STAU2: variants seen among roughly 807,000 people sequenced by gnomAD.
STAU2 encodes the protein double-stranded RNA-binding protein Staufen homolog 2.
In STAU2, 20 loss-of-function variants were observed where a neutral mutation model predicts 65.9. The observed-to-expected ratio is 0.30, with a 90% confidence interval of 0.21 to 0.44. The LOEUF (loss-of-function observed/expected upper bound fraction) is 0.44, where lower values mean the gene tolerates loss of function less well. Ranked by LOEUF, STAU2 falls within the 20% of genes least tolerant of loss-of-function variation. STAU2 has a pLI of 1.00. For synonymous variants in STAU2, 232 were observed against 233.9 expected (o/e 0.99, Z 0.07); for missense variants, 558 against 683.9 (o/e 0.82, Z 2.05).
intron 13 of STAU2, among the ~76,000 whole-genome samples, chr8:73,527,062 T>A (rs1805498556): frequency 1.3e-5 from 2 of 152,190 alleles, no homozygotes; most frequent in African/African-American, 4.8e-5. Flanking sequence ...TTACTGTACA[T>A]TTTCTATGTT....
intron 13 of STAU2, chr8:73,551,444 G>T: frequency 1.0e-6 from 1 of 987,346 alleles, no homozygotes; most frequent in Non-Finnish European, 1.2e-6. Flanking sequence ...ACATTGTTAT[G>T]CCTCAAACAA....
chr8:73,485,806 C>T (rs1421273387), intron 13 of STAU2, among the ~76,000 whole-genome samples: 1 of 152,052 alleles, frequency 6.6e-6, no homozygotes, highest in African/African-American at 2.4e-5. Context: ...AGCACTCCAG[C>T]CTGGACAACA....
intron 13 of STAU2, among the ~76,000 whole-genome samples, chr8:73,429,912 T>C (rs1233134508): frequency 6.6e-6 from 1 of 152,348 alleles, no homozygotes. Flanking sequence ...AAGGGGTTGA[T>C]TGTTTTGTGG....
At chr8:73,678,267 G>A (rs1404818875) in intron 5 of STAU2, among the ~76,000 whole-genome samples, 2 of 151,886 alleles carry the variant, frequency 1.3e-5, no homozygotes, top group East Asian at 1.9e-4. Flanking sequence ...ACTTAATCTC[G>A]TAAAGCTGGC....
intron 3 of STAU2, among the ~76,000 whole-genome samples, chr8:73,714,346 G>A (rs184731633): frequency 6.6e-6 from 1 of 152,256 alleles, no homozygotes; most frequent in Non-Finnish European, 1.5e-5. Flanking sequence ...TTGCCTTCTA[G>A]GAGCAATCTG....
chr8:73,710,134 T>C (rs1049350893), intron 3 of STAU2, among the ~76,000 whole-genome samples: 3 of 152,076 alleles, frequency 2.0e-5, no homozygotes, highest in Admixed American at 6.5e-5. Flanking sequence ...CCCTACCGTT[T>C]CTCCTCAAGC....
chr8:73,422,177 A>G (rs995546768), intron 14 of STAU2, among the ~76,000 whole-genome samples: 1 of 152,216 alleles, frequency 6.6e-6, no homozygotes, highest in South Asian at 2.1e-4. Context: ...AACCGAATGC[A>G]GCCGAGGGGA....
At chr8:73,502,183 T>TA (rs1422660940) in intron 13 of STAU2, among the ~76,000 whole-genome samples, 1 of 151,958 alleles carries the variant, frequency 6.6e-6, no homozygotes, top group Non-Finnish European at 1.5e-5. Flanking sequence ...CCCAATTAAA[T>TA]AAAAAATTAT....
chr8:73,474,133 A>AAAAAC (rs1394096550), intron 13 of STAU2, among the ~76,000 whole-genome samples: 4 of 152,160 alleles, frequency 2.6e-5, no homozygotes, highest in Admixed American at 2.0e-4. Context: ...TAAATGGTTA[A>AAAAAC]AAAACAAAAC....
chr8:73,686,822 A>G (rs1458315394), intron 5 of STAU2, among the ~76,000 whole-genome samples: 1 of 151,346 alleles, frequency 6.6e-6, no homozygotes, highest in African/African-American at 2.4e-5. Context: ...GGAGCTTAAA[A>G]TTAGAACAGT....
At chr8:73,730,938 T>A (rs10088325) in intron 3 of STAU2, among the ~76,000 whole-genome samples, 15,346 of 152,082 alleles carry the variant, frequency 0.1, 958 homozygotes, top group African/African-American at 0.17. Flanking sequence ...TTTACATTGT[T>A]GGGTTCTGAA....
At chr8:73,479,930 G>C (rs966030226) in intron 13 of STAU2, among the ~76,000 whole-genome samples, 1 of 151,886 alleles carries the variant, frequency 6.6e-6, no homozygotes, top group Admixed American at 6.6e-5. Context: ...TACTGCTCCC[G>C]TCTTCCTACT....
intron 12 of STAU2, among the ~76,000 whole-genome samples, chr8:73,572,553 G>A (rs1011616921): frequency 2.0e-5 from 3 of 152,216 alleles, no homozygotes; most frequent in Admixed American, 1.3e-4. Flanking sequence ...TATCCACCAC[G>A]ATCAAGTTGG....
intron 13 of STAU2, among the ~76,000 whole-genome samples, chr8:73,465,872 G>T (rs1819625921): frequency 6.6e-6 from 1 of 152,184 alleles, no homozygotes. Flanking sequence ...TGCAGGTGCA[G>T]TGATCTGATC....
intron 1 of STAU2, among the ~76,000 whole-genome samples, chr8:73,741,195 C>T (rs1362729149): frequency 6.7e-6 from 1 of 148,564 alleles, no homozygotes; most frequent in Non-Finnish European, 1.5e-5. Context: ...GTCCCAGCTA[C>T]TCGGGAGGCT....
chr8:73,599,608 A>G (rs1811475332), intron 10 of STAU2, among the ~76,000 whole-genome samples: 1 of 152,176 alleles, frequency 6.6e-6, no homozygotes, highest in East Asian at 1.9e-4. Flanking sequence ...TACTCTAACC[A>G]TACTTTTCTT....
chr8:73,737,995 A>G (rs1333768730), intron 3 of STAU2, among the ~76,000 whole-genome samples: 1 of 152,170 alleles, frequency 6.6e-6, no homozygotes, highest in Non-Finnish European at 1.5e-5. Context: ...CTGTATCATG[A>G]TCATAAGCAT....
rs1289436394 is a variant in STAU2 at position 73,421,318 on chromosome 8, T to C, written c.*54A>G. On this transcript the variant is annotated 3_prime_UTR_variant, in exon 15 of 15. Transcript: ENST00000524300. ...ATTTCCCTGAACACAGACACCCTCA[T>C]GCGTGCTGACAGGTTTATAAGGATG... The C allele has an allele frequency of 6.9e-7, 1 of 1,450,126 alleles. No individual in the cohort carries two copies. The highest frequency in any genetic ancestry group is 1.4e-5 in the African/African-American group (1 of 71,272). The allele number at this position is 1,450,126 out of a possible 1,614,324, so 89.8% of individuals were successfully genotyped here.
At chr8:73,586,160 G>A (rs970069253) in intron 11 of STAU2, among the ~76,000 whole-genome samples, 1 of 152,306 alleles carries the variant, frequency 6.6e-6, no homozygotes, top group African/African-American at 2.4e-5. Context: ...AGATGAAGAA[G>A]TTGTAGCTAG....
Sources: gnomAD v4.1 joint callset for allele counts (sites outside exome capture counted in the v4.1 genomes callset) on GRCh38, gnomAD v4.1.1 for gene constraint, MANE v1.5 for transcripts, NCBI Gene and HGNC (gene_info 2026-07-23, HGNC 2026-07-21) for gene names.